The following CCDC30 variants were observed in gnomAD, a reference collection of about 807,000 sequenced individuals.
CCDC30 encodes the protein coiled-coil domain containing 30, also known as coiled-coil domain-containing protein 30.
A neutral mutation model predicts 100.2 loss-of-function variants in CCDC30; 70 were observed. That is an observed-to-expected ratio of 0.70 (90% CI 0.58 to 0.85). The LOEUF is 0.85. Among genes scored for constraint, CCDC30 ranks in the 40% least tolerant of loss-of-function variants. CCDC30 has a pLI of 0.00. For synonymous variants in CCDC30, 233 were observed against 269.5 expected, an observed-to-expected ratio of 0.86 and a Z score of 1.33; for missense variants, 652 against 771.2, an observed-to-expected ratio of 0.85 and a Z score of 1.83.
At chr1:42,587,827 A>T (rs947407260) in intron 9 of CCDC30, among the ~76,000 whole-genome samples, 2 of 151,974 alleles carry the variant, frequency 1.3e-5, no homozygotes, top group African/African-American at 4.8e-5. Flanking sequence ...TCCTCAGAAA[A>T]CTCTTTTCAC....
intron 11 of CCDC30, among the ~76,000 whole-genome samples, chr1:42,621,110 TAGC>T (rs1381811617): frequency 1.3e-5 from 2 of 152,200 alleles, no homozygotes; most frequent in Non-Finnish European, 2.9e-5. Context: ...ACAATCTGAT[TAGC>T]AGAAGTTACA....
At chr1:42,516,894 A>G (rs973859824) in intron 6 of CCDC30, among the ~76,000 whole-genome samples, 3 of 152,148 alleles carry the variant, frequency 2.0e-5, no homozygotes, top group African/African-American at 4.8e-5. Flanking sequence ...TGAGGTGTTT[A>G]TTAGTCATTT....
chr1:42,546,723 T>G (rs1645152827), intron 6 of CCDC30, among the ~76,000 whole-genome samples: 1 of 152,012 alleles, frequency 6.6e-6, no homozygotes, highest in Non-Finnish European at 1.5e-5. Context: ...TCTATCTGTC[T>G]ATCTATCTAT....
At chr1:42,501,648 T>G (rs369088729) in intron 6 of CCDC30, among the ~76,000 whole-genome samples, 3 of 152,346 alleles carry the variant, frequency 2.0e-5, no homozygotes, top group Admixed American at 6.5e-5. Flanking sequence ...GGATGTCCTT[T>G]CTGTTTGTTA....
At chr1:42,484,087 A>AAGCAACAT (rs376679389) in intron 3 of CCDC30, among the ~76,000 whole-genome samples, 6 of 151,876 alleles carry the variant, frequency 4.0e-5, no homozygotes, top group Admixed American at 2.0e-4. Context: ...TGTTAAATGT[A>AAGCAACAT]TAAAACAATA....
intron 10 of CCDC30, chr1:42,594,660 C>G (rs1189182328): frequency 6.6e-6 from 1 of 151,968 alleles, no homozygotes; most frequent in Non-Finnish European, 1.5e-5. Flanking sequence ...GTGAATAGCC[C>G]CTGTATTCCT....
chr1:42,631,025 A>T (rs555695357), intron 11 of CCDC30, among the ~76,000 whole-genome samples: 6 of 152,112 alleles, frequency 3.9e-5, no homozygotes, highest in Non-Finnish European at 7.4e-5. Context: ...TGGTACTTAT[A>T]GATGTTCATC....
intron 11 of CCDC30, among the ~76,000 whole-genome samples, chr1:42,617,688 A>T (rs1424227051): frequency 6.6e-6 from 1 of 152,198 alleles, no homozygotes; most frequent in Non-Finnish European, 1.5e-5. Context: ...GCACTGAGTC[A>T]GTTCCTGGGT....
rs80129427 is a variant in CCDC30 at position 42,491,790 on chromosome 1, G to A, written c.241+1561G>A. ...TATGAAAGGTGGCAAAAAGGGAGCCGAAAATAGAGTGGTTGATCCATTTTC... is the reference window on the plus strand; with the variant it reads ...TATGAAAGGTGGCAAAAAGGGAGCCAAAAATAGAGTGGTTGATCCATTTTC... On this transcript the variant is annotated intron_variant, in intron 4 of 16. Coordinates refer to ENST00000668663, the Ensembl canonical transcript of CCDC30. 1.0e-3 allele frequency: 319 copies of A among 311,494 alleles called. 1 individual carries two copies. The East Asian group carries it at 0.018, about 17-fold the overall frequency. 19.3% of individuals were successfully genotyped at this position (311,494 alleles called of 1,614,324 possible).
At chr1:42,571,586 T>G (rs940528783) in intron 7 of CCDC30, among the ~76,000 whole-genome samples, 4 of 152,208 alleles carry the variant, frequency 2.6e-5, no homozygotes, top group African/African-American at 9.7e-5. Context: ...AAAACTTGAT[T>G]GAGAATTTCT....
chr1:42,557,186 G>A lies in CCDC30; in HGVS notation c.457-9110G>A, dbSNP rs147836555. On this transcript the variant is annotated intron_variant, in intron 6 of 16. Coordinates refer to ENST00000668663, the Ensembl canonical transcript of CCDC30. ...CATTTGAAAAGTGATTCAAGTATAC[G>A]TTTAGAAAAAGAGTAGCAATAAAGG... Among the ~76,000 whole-genome samples, 1,407 of 152,172 alleles carry A rather than the reference G, an allele frequency of 9.2e-3. 11 individuals are homozygous for A. The highest frequency in any genetic ancestry group is 0.015 in the Admixed American group (233 of 15,276).
chr1:42,653,333 T>G, intron 15 of CCDC30, 43 bp from the exon 20 acceptor site: 2 of 1,211,304 alleles, frequency 1.7e-6, no homozygotes, highest in Non-Finnish European at 2.4e-6. Context: ...AGCTAATGGT[T>G]TATCATTATA....
At chr1:42,613,083 C>T (rs1231735332) in intron 11 of CCDC30, among the ~76,000 whole-genome samples, 2 of 152,096 alleles carry the variant, frequency 1.3e-5, no homozygotes, top group Middle Eastern at 3.4e-3. Flanking sequence ...AGAAAGAATT[C>T]GGGGCAAATC....
chr1:42,530,536 A>C lies in CCDC30; in HGVS notation c.456+31620A>C, dbSNP rs137896403. Among the ~76,000 whole-genome samples, 186 of 152,296 alleles carry C rather than the reference A, an allele frequency of 1.2e-3. 2 individuals carry two copies. In the Middle Eastern group the frequency reaches 0.024, roughly 19 times the overall value. On this transcript the variant is annotated intron_variant, in intron 6 of 16. Coordinates refer to ENST00000668663, the Ensembl canonical transcript of CCDC30. Reference sequence around the variant, plus strand: ...TAATATAAAATTTAAAGTATAGAACAGGCTGGCCATGGTAGCTCACTCCCA... The same window carrying C: ...TAATATAAAATTTAAAGTATAGAACCGGCTGGCCATGGTAGCTCACTCCCA...
intron 6 of CCDC30, among the ~76,000 whole-genome samples, chr1:42,560,608 A>G (rs957769625): frequency 2.6e-5 from 4 of 151,980 alleles, no homozygotes; most frequent in African/African-American, 9.7e-5. Context: ...TGACCTCATG[A>G]TCCTCCCACC....
upstream of CCDC30, chr1:42,459,766 T>C (rs773515366): frequency 8.7e-6 from 14 of 1,614,078 alleles, no homozygotes; most frequent in East Asian, 2.2e-4. Flanking sequence ...GTGGCTAATA[T>C]CCTTGAGTCA....
At chr1:42,459,114 C>A, upstream of CCDC30, 1 of 151,298 alleles carries the variant, frequency 6.6e-6, no homozygotes, top group Admixed American at 6.6e-5. Flanking sequence ...ATGTATGGAG[C>A]CTTGAATTTA....
rs1646607234 is a variant in CCDC30, at chr1:42,610,892, T to C, written c.1165-86T>C. On this transcript the variant is annotated intron_variant, in intron 10 of 16. Transcript: ENST00000668663. ...GCAGGAGTGACTATAAGCTTTTTTTTTTTTTTTTACCAGAAAGACTTTGCA... is the reference window on the plus strand; with the variant it reads ...GCAGGAGTGACTATAAGCTTTTTTTCTTTTTTTTACCAGAAAGACTTTGCA... 2.8e-5 allele frequency: 18 copies of C among 652,456 alleles called. 1 individual carries two copies. Among genetic ancestry groups the C allele is most frequent in the Non-Finnish European group, 4.7e-5 (18 of 381,776 alleles). The allele number at this position is 652,456 out of a possible 1,614,324, so 40.4% of individuals were successfully genotyped here. A position where few individuals can be genotyped will look rare whatever the true frequency, so the allele number is the denominator to read the frequency against.
intron 6 of CCDC30, among the ~76,000 whole-genome samples, chr1:42,552,912 G>A (rs1206709581): frequency 6.6e-6 from 1 of 152,100 alleles, no homozygotes; most frequent in African/African-American, 2.4e-5. Flanking sequence ...CACACTGCAG[G>A]GTAGGGGAGC....
Sources: gnomAD v4.1 joint callset for allele counts (sites outside exome capture counted in the v4.1 genomes callset) on GRCh38, gnomAD v4.1.1 for gene constraint, MANE v1.5 for transcripts, NCBI Gene and HGNC (gene_info 2026-07-23, HGNC 2026-07-21) for gene names.